OTC: variants seen among roughly 807,000 people sequenced by gnomAD.
OTC encodes ornithine transcarbamylase.
A neutral mutation model predicts 30.3 loss-of-function variants in OTC; 3 were observed. That is an observed-to-expected ratio of 0.10 (90% CI 0.05 to 0.26). The LOEUF (loss-of-function observed/expected upper bound fraction) is 0.26. Ranked by LOEUF, OTC falls within the 10% of genes least tolerant of loss-of-function variation. The pLI is 1.00. For missense variants in OTC, 194 were observed against 260.3 expected (o/e 0.75, Z 1.75); for synonymous variants, 111 against 99.7 (o/e 1.11, Z -0.67).
upstream of OTC, among the ~76,000 whole-genome samples, chrX:38,350,080 A>G (rs1246249620): frequency 9.0e-6 from 1 of 110,934 alleles, no homozygotes; most frequent in African/African-American, 3.3e-5. Flanking sequence ...CACCTTTTTC[A>G]GGAACCCCAT....
Position 38,408,901 on chromosome X carries a change from A to T in OTC, c.743A>T (p.Asn248Ile). 1 of 1,201,448 alleles carries T rather than the reference A, an allele frequency of 8.3e-7. No homozygotes were observed. Among genetic ancestry groups the T allele is most frequent in the Non-Finnish European group, 1.1e-6 (1 of 889,304 alleles). ...KENGTKLLLT[N>I]DPLEAAHGGN... ...AATGGTACCAAGCTGTTGCTGACAAATGATCCATTGGAAGCAGCGCATGGA... is the reference window on the plus strand; with the variant it reads ...AATGGTACCAAGCTGTTGCTGACAATTGATCCATTGGAAGCAGCGCATGGA... The change falls in exon 8 of 10, where the codon AAT becomes ATT. Residue 248 changes from asparagine to isoleucine, a missense_variant. Physicochemically the swap from Asn to Ile is moderately radical, Grantham distance 149. Coordinates refer to ENST00000039007, the MANE Select transcript of OTC (RefSeq NM_000531.6).
At chrX:38,417,362 A>C (rs2068574931) in intron 9 of OTC, among the ~76,000 whole-genome samples, 1 of 111,512 alleles carries the variant, frequency 9.0e-6, no homozygotes, top group Non-Finnish European at 1.9e-5. Context: ...CCTTAACTTC[A>C]CTAAGACCAG....
intron 3 of OTC, among the ~76,000 whole-genome samples, chrX:38,373,964 A>T (rs2068333890): frequency 9.0e-6 from 1 of 111,633 alleles, no homozygotes; most frequent in African/African-American, 3.3e-5. Context: ...GGATGTCGAG[A>T]CCATCCTGGC....
At chrX:38,411,774 T>G in intron 8 of OTC, 88 bp from the exon 9 acceptor site, 3 of 855,325 alleles carry the variant, frequency 3.5e-6, no homozygotes, top group Non-Finnish European at 5.2e-6. Flanking sequence ...GTCTGACTAC[T>G]GGCCATGTGT....
At chrX:38,373,105 C>A (rs1222071671) in intron 3 of OTC, among the ~76,000 whole-genome samples, 1 of 112,197 alleles carries the variant, frequency 8.9e-6, no homozygotes. Flanking sequence ...TCGATGAATT[C>A]TTACAGTGAG....
At chrX:38,340,807 T>TC in the OTC span, among the ~76,000 whole-genome samples, 5 of 110,123 alleles carry the variant, frequency 4.5e-5, no homozygotes, top group Admixed American at 4.9e-4. Flanking sequence ...ATTTTTTTTT[T>TC]CTTTTTTGAG....
chrX:38,400,430 A>G, intron 4 of OTC, among the ~76,000 whole-genome samples: 1 of 111,699 alleles, frequency 9.0e-6, no homozygotes, highest in East Asian at 2.8e-4. Flanking sequence ...GCAGATTTCA[A>G]GAAGGAATTA....
intron 4 of OTC, among the ~76,000 whole-genome samples, chrX:38,385,816 C>T (rs1467555742): frequency 2.7e-5 from 3 of 111,992 alleles, no homozygotes; most frequent in Non-Finnish European, 5.6e-5. Context: ...TATTTATGGC[C>T]GGGTGTGTTG....
In OTC at chrX:38,395,547, G is replaced by A. The variant is rs768933391; in HGVS notation, c.387-5728G>A. ...CCATGCCAGCATTTACACATAAAAC[G>A]CTTCTTGGGCAGCCAGATGACATGG... On this transcript the variant is annotated intron_variant, in intron 4 of 9. Transcript: ENST00000039007. 9.5e-5 allele frequency: 13 copies of A among 137,388 alleles called. No individual in the cohort carries two copies. The South Asian group carries it at 2.2e-3, about 23-fold the overall frequency. The allele number at this position is 137,388 out of a possible 1,213,427, so 11.3% of individuals were successfully genotyped here.
At chrX:38,394,210 C>A (rs1490382009) in intron 4 of OTC, among the ~76,000 whole-genome samples, 5 of 112,664 alleles carry the variant, frequency 4.4e-5, no homozygotes, top group Middle Eastern at 4.6e-3. Flanking sequence ...TACACATATA[C>A]ACAATGTATT....
At chrX:38,330,886 G>T in the OTC span, among the ~76,000 whole-genome samples, 1 of 112,028 alleles carries the variant, frequency 8.9e-6, no homozygotes, top group Non-Finnish European at 1.9e-5. Context: ...TTTTGTGGCT[G>T]TCTTTCCACT....
intron 9 of OTC, among the ~76,000 whole-genome samples, chrX:38,418,487 G>T (rs913504667): frequency 1.8e-5 from 2 of 112,036 alleles, no homozygotes; most frequent in African/African-American, 6.5e-5. Context: ...GATGCAATTT[G>T]ATTTGTCTAT....
At chrX:38,355,397 T>TA (rs1021805127) in intron 1 of OTC, among the ~76,000 whole-genome samples, 21 of 107,807 alleles carry the variant, frequency 1.9e-4, no homozygotes, top group East Asian at 1.1e-3. Flanking sequence ...AAGAAACCAC[T>TA]AAAAAAAAAA....
chrX:38,400,548 A>C (rs2068480377), intron 4 of OTC, among the ~76,000 whole-genome samples: 1 of 111,263 alleles, frequency 9.0e-6, no homozygotes, highest in Non-Finnish European at 1.9e-5. Flanking sequence ...CCCCTGTGGG[A>C]AAGAAGGATG....
intron 4 of OTC, 113 bp from the exon 5 acceptor site, chrX:38,401,162 T>C: frequency 3.4e-6 from 2 of 592,855 alleles, no homozygotes; most frequent in Non-Finnish European, 5.6e-6. Flanking sequence ...TAGGTTTTCA[T>C]GTAGTAAAAA....
At chrX:38,380,675 G>A (rs141576601) in intron 3 of OTC, among the ~76,000 whole-genome samples, 201 of 111,559 alleles carry the variant, frequency 1.8e-3, no homozygotes, top group African/African-American at 6.3e-3. Flanking sequence ...AAAGTAAAAG[G>A]GCCACTTTAC....
At chrX:38,386,761 C>G (rs766013944) in intron 4 of OTC, among the ~76,000 whole-genome samples, 192 of 112,325 alleles carry the variant, frequency 1.7e-3, no homozygotes, top group Non-Finnish European at 2.8e-3. Flanking sequence ...CTGCAAGGAA[C>G]ACAATAATAC....
chrX:38,393,189 T>C (rs1184017104), intron 4 of OTC, among the ~76,000 whole-genome samples: 1 of 112,196 alleles, frequency 8.9e-6, no homozygotes, highest in Non-Finnish European at 1.9e-5. Flanking sequence ...ACAAAACGAA[T>C]CTACTCAACC....
intron 4 of OTC, among the ~76,000 whole-genome samples, chrX:38,394,501 A>G (rs764574016): frequency 9.5e-4 from 106 of 111,425 alleles, no homozygotes; most frequent in South Asian, 8.8e-3. Flanking sequence ...GCTTCTCTAC[A>G]TCCACCTAAT....
Sources: gnomAD v4.1 joint callset for allele counts (sites outside exome capture counted in the v4.1 genomes callset) on GRCh38, gnomAD v4.1.1 for gene constraint, MANE v1.5 for transcripts, NCBI Gene and HGNC (gene_info 2026-07-23, HGNC 2026-07-21) for gene names.